The following MAPK10 variants were observed in gnomAD, a reference collection of about 807,000 sequenced individuals.
MAPK10 encodes mitogen-activated protein kinase 10, also known as JNK3 alpha protein kinase.
In MAPK10, 25 loss-of-function variants were observed where a neutral mutation model predicts 59.3. The ratio of observed to expected loss-of-function variants is 0.42; its 90% CI spans 0.31 to 0.59. The LOEUF is 0.59. Among genes scored for constraint, MAPK10 ranks in the 20% least tolerant of loss-of-function variants. The pLI is 0.15. For synonymous variants in MAPK10, 190 were observed against 200.5 expected (o/e 0.95, Z 0.44); for missense variants, 351 against 568.9 (o/e 0.62, Z 3.90).
rs1742531126 is a variant in MAPK10 at position 86,014,491 on chromosome 4, T to C, written c.*2737A>G. Reference sequence around the variant, plus strand: ...GGTGATTCTCTTTGTTGTTCCATCATCTGCCTTGCTTTAATCACCTAATAA... The same window carrying C: ...GGTGATTCTCTTTGTTGTTCCATCACCTGCCTTGCTTTAATCACCTAATAA... On this transcript the variant is annotated 3_prime_UTR_variant, in exon 14 of 14. Transcript: ENST00000641462. The C allele has an allele frequency of 6.6e-6, 1 of 152,186 alleles. No homozygotes were observed. The allele number at this position is 152,186 out of a possible 1,614,324, so 9.4% of individuals were successfully genotyped here. A position where few individuals can be genotyped will look rare whatever the true frequency, so the allele number is the denominator to read the frequency against.
At chr4:86,041,122 T>C (rs1475718611) in intron 11 of MAPK10, 2 of 152,232 alleles carry the variant, frequency 1.3e-5, no homozygotes, top group East Asian at 3.9e-4. Context: ...ATCTTTACCA[T>C]GAAGGTGAAA....
At chr4:86,244,140 T>C (rs1333838301) in intron 2 of MAPK10, among the ~76,000 whole-genome samples, 16 of 152,196 alleles carry the variant, frequency 1.1e-4, no homozygotes, top group Admixed American at 1.0e-3. Context: ...TGCAAAGGCA[T>C]GTACACCTTT....
intron 2 of MAPK10, among the ~76,000 whole-genome samples, chr4:86,297,903 A>G (rs967401235): frequency 6.6e-6 from 1 of 152,148 alleles, no homozygotes; most frequent in Non-Finnish European, 1.5e-5. Context: ...ATCTCTCATG[A>G]CTGGCCCCTG....
chr4:86,437,182 C>G (rs1005581749), intron 1 of MAPK10, among the ~76,000 whole-genome samples: 4 of 148,628 alleles, frequency 2.7e-5, no homozygotes, highest in African/African-American at 1.0e-4. Context: ...CCACTGCACT[C>G]CAGCCTGGGC....
intron 1 of MAPK10, among the ~76,000 whole-genome samples, chr4:86,355,526 T>C (rs1733988702): frequency 6.6e-6 from 1 of 152,130 alleles, no homozygotes; most frequent in African/African-American, 2.4e-5. Context: ...TTTATTGTTA[T>C]TTAGCCTCAT....
chr4:86,516,424 A>T (rs1756667453), intron 1 of MAPK10, among the ~76,000 whole-genome samples: 1 of 152,082 alleles, frequency 6.6e-6, no homozygotes, highest in South Asian at 2.1e-4. Context: ...TTAAAGAATG[A>T]TGATGGTATT....
At chr4:86,330,448 C>A (rs1033670808) in intron 2 of MAPK10, among the ~76,000 whole-genome samples, 3 of 152,172 alleles carry the variant, frequency 2.0e-5, no homozygotes, top group Non-Finnish European at 4.4e-5. Flanking sequence ...AATCTCATCT[C>A]AAACTGTATT....
intron 1 of MAPK10, among the ~76,000 whole-genome samples, chr4:86,431,377 T>C (rs1479007339): frequency 1.3e-5 from 2 of 152,364 alleles, no homozygotes; most frequent in Middle Eastern, 3.4e-3. Context: ...TATTTTTCAC[T>C]TAAAATATTG....
At chr4:86,260,525 A>G (rs1583645951) in intron 2 of MAPK10, among the ~76,000 whole-genome samples, 1 of 152,092 alleles carries the variant, frequency 6.6e-6, no homozygotes, top group East Asian at 1.9e-4. Context: ...GACCTTAAAG[A>G]TAATATTAAA....
At chr4:86,521,207 C>G (rs530185286) in intron 1 of MAPK10, among the ~76,000 whole-genome samples, 4 of 152,226 alleles carry the variant, frequency 2.6e-5, no homozygotes, top group South Asian at 2.1e-4. Context: ...GTTGTTCTGA[C>G]TTGCTGTAAT....
At chr4:86,179,443 A>G (rs2076413970) in intron 3 of MAPK10, among the ~76,000 whole-genome samples, 1 of 152,100 alleles carries the variant, frequency 6.6e-6, no homozygotes, top group Non-Finnish European at 1.5e-5. Flanking sequence ...AGCAACCTAC[A>G]CATTCAATGT....
intron 4 of MAPK10, among the ~76,000 whole-genome samples, chr4:86,112,621 G>A (rs1285193206): frequency 2.6e-5 from 4 of 152,138 alleles, no homozygotes; most frequent in Non-Finnish European, 5.9e-5. Context: ...GGTGAGGAGT[G>A]TTTTACTTGT....
At chr4:86,217,483 A>G (rs1196375903) in intron 2 of MAPK10, among the ~76,000 whole-genome samples, 1 of 152,112 alleles carries the variant, frequency 6.6e-6, no homozygotes, top group South Asian at 2.1e-4. Flanking sequence ...TTTTCCTTCA[A>G]CATTTCTCAA....
At chr4:86,372,564 GAAAGAAAAGAAAA>G (rs1451692391) in intron 1 of MAPK10, among the ~76,000 whole-genome samples, 7 of 78,690 alleles carry the variant, frequency 8.9e-5, no homozygotes, top group South Asian at 5.3e-4. Context: ...AAGAAAGAAA[GAAAGAAAAGAAAA>G]GAAAAGAAAA....
At chr4:86,517,329 G>C (rs1256387388) in intron 1 of MAPK10, among the ~76,000 whole-genome samples, 8 of 135,784 alleles carry the variant, frequency 5.9e-5, no homozygotes, top group African/African-American at 8.2e-5. Context: ...AGGCTGGAGT[G>C]CAGTGGTGCA....
At chr4:86,588,418 A>G (rs1236838752) in intron 1 of MAPK10, among the ~76,000 whole-genome samples, 1 of 152,194 alleles carries the variant, frequency 6.6e-6, no homozygotes, top group East Asian at 1.9e-4. Flanking sequence ...TCAAACAGTT[A>G]ACAGAAAAAT....
At chr4:86,159,957 A>G (rs1039410235) in intron 3 of MAPK10, among the ~76,000 whole-genome samples, 7 of 152,016 alleles carry the variant, frequency 4.6e-5, no homozygotes, top group African/African-American at 1.7e-4. Context: ...TAAAGTTTTA[A>G]TTATTTTAAT....
intron 5 of MAPK10, among the ~76,000 whole-genome samples, chr4:86,104,191 A>G (rs771358596): frequency 1.3e-5 from 2 of 152,122 alleles, no homozygotes; most frequent in East Asian, 3.8e-4. Flanking sequence ...ACACCTGAGA[A>G]ATTGACTCAA....
At chr4:86,071,589 C>G (rs1174404091) in intron 9 of MAPK10, among the ~76,000 whole-genome samples, 1 of 149,928 alleles carries the variant, frequency 6.7e-6, no homozygotes, top group Admixed American at 6.6e-5. Context: ...AGGAAGGGAT[C>G]CAGTTTCAGC....
Sources: gnomAD v4.1 joint callset for allele counts (sites outside exome capture counted in the v4.1 genomes callset) on GRCh38, gnomAD v4.1.1 for gene constraint, MANE v1.5 for transcripts, NCBI Gene and HGNC (gene_info 2026-07-23, HGNC 2026-07-21) for gene names.